FBXO34: variants seen among roughly 807,000 people sequenced by gnomAD.
FBXO34 encodes the protein F-box only protein 34.
Under a neutral mutation model 24.5 loss-of-function variants are expected in FBXO34, and 12 were observed. The ratio of observed to expected loss-of-function variants is 0.49; its 90% CI spans 0.31 to 0.79. The LOEUF is 0.79. Among genes scored for constraint, FBXO34 ranks in the 30% least tolerant of loss-of-function variants. The probability of loss-of-function intolerance (pLI) is 0.04; values close to 1 mark genes in which losing one functional copy is unlikely to be tolerated. For synonymous variants in FBXO34, 320 were observed against 311.9 expected (o/e 1.03, Z -0.27); for missense variants, 823 against 857.7 (o/e 0.96, Z 0.51).
the FBXO34 span, among the ~76,000 whole-genome samples, chr14:55,396,289 G>A: frequency 6.6e-6 from 1 of 152,140 alleles, no homozygotes; most frequent in Non-Finnish European, 1.5e-5. Flanking sequence ...CATAGCAATA[G>A]TTACAAGAGA....
At chr14:55,415,062 C>T in the FBXO34 span, among the ~76,000 whole-genome samples, 1 of 152,170 alleles carries the variant, frequency 6.6e-6, no homozygotes, top group Non-Finnish European at 1.5e-5. Flanking sequence ...ACAGTCTCCA[C>T]CATTGAGAAG....
the FBXO34 span, chr14:55,435,993 A>AAAT: frequency 8.9e-7 from 1 of 1,127,018 alleles, no homozygotes. Context: ...AAAAAAAAAA[A>AAAT]GACAACTTAT....
chr14:55,278,518 A>G (rs1881420270), intron 1 of FBXO34, among the ~76,000 whole-genome samples: 1 of 152,114 alleles, frequency 6.6e-6, no homozygotes, highest in Non-Finnish European at 1.5e-5. Context: ...CCTTTATTTA[A>G]TGAGCTCAGC....
At chr14:55,315,483 T>A (rs1341524010) in intron 1 of FBXO34, among the ~76,000 whole-genome samples, 1 of 152,214 alleles carries the variant, frequency 6.6e-6, no homozygotes, top group Non-Finnish European at 1.5e-5. Context: ...ATGTCTTCTT[T>A]CTTGGTTTAG....
the FBXO34 span, among the ~76,000 whole-genome samples, chr14:55,410,392 T>C: frequency 7.2e-5 from 11 of 152,324 alleles, no homozygotes; most frequent in Non-Finnish European, 1.6e-4. Context: ...CTCCATCAGT[T>C]AGACATTTCC....
intron 1 of FBXO34, among the ~76,000 whole-genome samples, chr14:55,296,382 GTTTTTTTTGTTTTTTTTTT>G (rs1882125070): frequency 1.0e-5 from 1 of 95,784 alleles, no homozygotes; most frequent in African/African-American, 3.8e-5. Flanking sequence ...CTGTTCTTGT[GTTTTTTTTGTTTTTTTTTT>G]TTTTTTTTTT....
downstream of FBXO34, among the ~76,000 whole-genome samples, chr14:55,371,517 G>T (rs867109511): frequency 6.6e-6 from 1 of 152,084 alleles, no homozygotes. Context: ...TTTTCCAAGA[G>T]CCCCTCAGGC....
chr14:55,285,609 C>A (rs977810044), intron 1 of FBXO34: 1 of 152,104 alleles, frequency 6.6e-6, no homozygotes, highest in African/African-American at 2.4e-5. Flanking sequence ...TTCCTCCATC[C>A]CCTTTTAGGG....
downstream of FBXO34, among the ~76,000 whole-genome samples, chr14:55,372,717 C>T (rs889375944): frequency 3.3e-5 from 5 of 152,058 alleles, no homozygotes; most frequent in Non-Finnish European, 7.4e-5. Flanking sequence ...ACAGCTCCTT[C>T]CTTCTTTCCT....
At chr14:55,414,505 TTTAC>T in the FBXO34 span, 1 of 1,348,222 alleles carries the variant, frequency 7.4e-7, no homozygotes, top group Non-Finnish European at 1.0e-6. Flanking sequence ...AATACCAACA[TTTAC>T]TTAAACACTA....
intron 1 of FBXO34, among the ~76,000 whole-genome samples, chr14:55,329,517 T>A (rs1883463053): frequency 6.6e-6 from 1 of 152,136 alleles, no homozygotes; most frequent in Non-Finnish European, 1.5e-5. Flanking sequence ...TTTCACCAGG[T>A]TTTATGTTTC....
At chr14:55,371,295 C>G (rs1242479001), downstream of FBXO34, among the ~76,000 whole-genome samples, 1 of 152,232 alleles carries the variant, frequency 6.6e-6, no homozygotes, top group African/African-American at 2.4e-5. Context: ...ATGGCTAGCA[C>G]TGGCTTCCAA....
intron 1 of FBXO34, among the ~76,000 whole-genome samples, chr14:55,336,868 G>GCACACACACACACA (rs3051328): frequency 6.2e-5 from 9 of 144,206 alleles, no homozygotes; most frequent in African/African-American, 2.0e-4. Flanking sequence ...ATACATGCAC[G>GCACACACACACACA]CACACACACA....
At chr14:55,323,414 C>T (rs891876550) in intron 1 of FBXO34, among the ~76,000 whole-genome samples, 2 of 149,118 alleles carry the variant, frequency 1.3e-5, no homozygotes, top group African/African-American at 2.5e-5. Context: ...GATGTAATCT[C>T]GCTCTGTCCC....
At chr14:55,329,462 C>T (rs553748844) in intron 1 of FBXO34, among the ~76,000 whole-genome samples, 1 of 152,274 alleles carries the variant, frequency 6.6e-6, no homozygotes, top group Admixed American at 6.5e-5. Flanking sequence ...ATTGTTTCAC[C>T]TGAAGAAAGT....
chr14:55,408,467 A>C, the FBXO34 span, among the ~76,000 whole-genome samples: 1 of 152,000 alleles, frequency 6.6e-6, no homozygotes, highest in African/African-American at 2.4e-5. Context: ...CCCCTCAAAC[A>C]AACTTCCTCA....
chr14:55,330,874 A>G (rs1341695988), intron 1 of FBXO34, among the ~76,000 whole-genome samples: 4 of 152,134 alleles, frequency 2.6e-5, no homozygotes, highest in Non-Finnish European at 4.4e-5. Context: ...TACCTTATTA[A>G]TCTGTCTCTC....
At chr14:55,300,762 TA>T (rs897813760) in intron 1 of FBXO34, among the ~76,000 whole-genome samples, 1 of 152,244 alleles carries the variant, frequency 6.6e-6, no homozygotes. Flanking sequence ...TGGTAAAATT[TA>T]AAACAGTTCA....
At chr14:55,291,098 A>AT (rs1299673494) in intron 1 of FBXO34, among the ~76,000 whole-genome samples, 7 of 152,198 alleles carry the variant, frequency 4.6e-5, no homozygotes, top group African/African-American at 1.4e-4. Context: ...AAGTGCTATG[A>AT]TTTTAGGCAT....
Sources: gnomAD v4.1 joint callset for allele counts (sites outside exome capture counted in the v4.1 genomes callset) on GRCh38, gnomAD v4.1.1 for gene constraint, MANE v1.5 for transcripts, NCBI Gene and HGNC (gene_info 2026-07-23, HGNC 2026-07-21) for gene names.